NLGN1: variants seen among roughly 807,000 people sequenced by gnomAD.
NLGN1 encodes the protein neuroligin-1.
NLGN1 carries 12 observed loss-of-function variants against 65.5 expected under a neutral mutation model. That is an observed-to-expected ratio of 0.18 (90% CI 0.12 to 0.30). The LOEUF (loss-of-function observed/expected upper bound fraction) is 0.30. Ranked by LOEUF, NLGN1 falls within the 10% of genes least tolerant of loss-of-function variation. The pLI is 1.00. For synonymous variants in NLGN1, 350 were observed against 359.5 expected (o/e 0.97, Z 0.30); for missense variants, 750 against 1,007.1 (o/e 0.74, Z 3.46).
intron 4 of NLGN1, among the ~76,000 whole-genome samples, chr3:173,812,116 C>G (rs2150478979): frequency 6.6e-6 from 1 of 152,232 alleles, no homozygotes; most frequent in Non-Finnish European, 1.5e-5. Context: ...ACATTTGGCA[C>G]ATTTTTGGAA....
At chr3:173,458,773 A>G (rs774476401) in intron 2 of NLGN1, among the ~76,000 whole-genome samples, 2 of 152,104 alleles carry the variant, frequency 1.3e-5, no homozygotes, top group Non-Finnish European at 2.9e-5. Context: ...GGGAAGTTTT[A>G]AGGTTGTTTA....
At chr3:173,799,501 A>G (rs549940219) in intron 3 of NLGN1, among the ~76,000 whole-genome samples, 2 of 152,126 alleles carry the variant, frequency 1.3e-5, no homozygotes, top group South Asian at 4.1e-4. Context: ...TATACTGAGC[A>G]TGAAACTGCA....
intron 4 of NLGN1, among the ~76,000 whole-genome samples, chr3:173,888,450 T>C (rs768289686): frequency 1.5e-4 from 23 of 152,192 alleles, no homozygotes; most frequent in Middle Eastern, 6.8e-3. Context: ...TTTATTGTTA[T>C]TTTTTATTCT....
At chr3:173,842,827 T>C (rs1400677283) in intron 4 of NLGN1, among the ~76,000 whole-genome samples, 1 of 152,168 alleles carries the variant, frequency 6.6e-6, no homozygotes, top group African/African-American at 2.4e-5. Flanking sequence ...TCTACTATTC[T>C]GGAGTCTGGA....
At position 174,137,368 on chromosome 3, in the gene NLGN1, T is replaced by C. The variant is rs567553047; in HGVS notation, c.647-137947T>C. On this transcript the variant is annotated intron_variant, in intron 4 of 6. Transcript: ENST00000457714. ...TAAATTCTAATATTAGGATTGGATA[T>C]GACATAATTTTATAGTAAAGATTGG... 4.7e-4 allele frequency among the ~76,000 whole-genome samples: 72 copies of C among 152,302 alleles called. No individual in the cohort carries two copies. The South Asian group carries it at 0.014, about 31-fold the overall frequency.
rs34508881 is a variant in NLGN1, at chr3:174,024,141, TAAA to T, written c.646+216332_646+216334del. The stretch of plus-strand genomic sequence containing the variant: ...TTCCCTGGTGTTCCTAGAGTCCTAT[TAAA>T]AAAAAAAAAAAAAAAAAAAAAACAC... On this transcript the variant is annotated intron_variant, in intron 4 of 6. Transcript: ENST00000457714. Among the ~76,000 whole-genome samples the T allele has an allele frequency of 6.8e-3, 587 of 86,040 alleles. 4 individuals are homozygous for T. The highest frequency in any genetic ancestry group is 0.031 in the East Asian group (92 of 3,012). 56.4% of individuals were successfully genotyped at this position (86,040 alleles called of 152,430 possible). A position where few individuals can be genotyped will look rare whatever the true frequency, so the allele number is the denominator to read the frequency against.
chr3:173,925,484 A>G (rs1907577), intron 4 of NLGN1, among the ~76,000 whole-genome samples: 4,478 of 152,276 alleles, frequency 0.029, 226 homozygotes, highest in African/African-American at 0.1. Flanking sequence ...ACCTGGACCC[A>G]GTATAGAGTA....
At chr3:173,696,483 C>T (rs1253719539) in intron 3 of NLGN1, among the ~76,000 whole-genome samples, 1 of 152,182 alleles carries the variant, frequency 6.6e-6, no homozygotes. Context: ...CTTGTTGAAT[C>T]AAGAGATCCA....
chr3:173,469,455 T>C (rs1311247465), intron 2 of NLGN1, among the ~76,000 whole-genome samples: 1 of 152,078 alleles, frequency 6.6e-6, no homozygotes, highest in African/African-American at 2.4e-5. Context: ...GGCCATTGCA[T>C]ATTTAGTTGG....
intron 4 of NLGN1, among the ~76,000 whole-genome samples, chr3:174,056,390 A>G (rs1230594682): frequency 6.6e-6 from 1 of 151,808 alleles, no homozygotes; most frequent in East Asian, 1.9e-4. Flanking sequence ...GAAATAAGTA[A>G]TTTCTTTTTC....
chr3:173,994,232 T>A (rs1010491307), intron 4 of NLGN1, among the ~76,000 whole-genome samples: 1 of 151,978 alleles, frequency 6.6e-6, no homozygotes, highest in African/African-American at 2.4e-5. Context: ...CTCTGCCTCC[T>A]GAGCAGCTGA....
chr3:173,493,388 C>G (rs1729496498), intron 2 of NLGN1, among the ~76,000 whole-genome samples: 1 of 151,828 alleles, frequency 6.6e-6, no homozygotes, highest in Non-Finnish European at 1.5e-5. Context: ...CAATAATGAA[C>G]TGCAGTTTGT....
At chr3:174,034,443 A>C (rs561746727) in intron 4 of NLGN1, among the ~76,000 whole-genome samples, 1 of 152,068 alleles carries the variant, frequency 6.6e-6, no homozygotes, top group African/African-American at 2.4e-5. Flanking sequence ...TCTTATACTT[A>C]ATTGACCTAA....
chr3:173,666,018 G>A (rs1024434469), intron 3 of NLGN1, among the ~76,000 whole-genome samples: 1 of 152,048 alleles, frequency 6.6e-6, no homozygotes, highest in East Asian at 1.9e-4. Flanking sequence ...GTCCCTGCAG[G>A]CATCTAATGG....
At chr3:173,796,689 G>A (rs976937995) in intron 3 of NLGN1, among the ~76,000 whole-genome samples, 1 of 151,920 alleles carries the variant, frequency 6.6e-6, no homozygotes, top group Non-Finnish European at 1.5e-5. Flanking sequence ...TGGTTTTAGT[G>A]GTCTCATTTG....
chr3:173,473,705 G>A (rs1461051373), intron 2 of NLGN1, among the ~76,000 whole-genome samples: 1 of 151,866 alleles, frequency 6.6e-6, no homozygotes, highest in Non-Finnish European at 1.5e-5. Flanking sequence ...GTTATTTTTT[G>A]CATTGTGCAG....
chr3:173,446,276 C>A (rs1274668700), intron 2 of NLGN1, among the ~76,000 whole-genome samples: 1 of 144,004 alleles, frequency 6.9e-6, no homozygotes, highest in Non-Finnish European at 1.5e-5. Flanking sequence ...CATGTGTTCT[C>A]ATTGTTCAAT....
chr3:173,816,583 C>T (rs1719083393), intron 4 of NLGN1, among the ~76,000 whole-genome samples: 1 of 152,308 alleles, frequency 6.6e-6, no homozygotes, highest in East Asian at 1.9e-4. Flanking sequence ...TCTGCTTAAC[C>T]CACTCTAGTG....
intron 4 of NLGN1, among the ~76,000 whole-genome samples, chr3:173,905,869 T>C (rs1245896892): frequency 1.3e-5 from 2 of 152,182 alleles, no homozygotes; most frequent in African/African-American, 4.8e-5. Context: ...TTTCATCAGC[T>C]TGTAGGTAGT....
Sources: allele counts gnomAD v4.1 joint callset (sites outside exome capture counted in the v4.1 genomes callset), GRCh38; gene constraint gnomAD v4.1.1; transcripts MANE v1.5; gene names NCBI Gene and HGNC (gene_info 2026-07-23, HGNC 2026-07-21).